SPACA6: variants seen among roughly 807,000 people sequenced by gnomAD.
SPACA6 encodes the protein sperm acrosome membrane-associated protein 6.
For synonymous variants in SPACA6, 6 were observed against 1.5 expected (o/e 4.05, Z -2.21); for missense variants, 8 against 2.8 (o/e 2.88, Z -1.34).
chr19:51,701,185 G>T (rs1384930950), intron 2 of SPACA6, among the ~76,000 whole-genome samples: 2 of 152,134 alleles, frequency 1.3e-5, no homozygotes, highest in Admixed American at 6.6e-5. Context: ...TCGCACCACT[G>T]CACTCCAGCC....
chr19:51,683,842 A>C, the SPACA6 span, among the ~76,000 whole-genome samples: 3 of 152,242 alleles, frequency 2.0e-5, no homozygotes, highest in African/African-American at 7.2e-5. Flanking sequence ...CATAGCTAGT[A>C]AAATGGCTGA....
At chr19:51,688,940 G>GGGAGAGAA (rs1406489665), upstream of SPACA6, among the ~76,000 whole-genome samples, 1 of 149,998 alleles carries the variant, frequency 6.7e-6, no homozygotes, top group African/African-American at 2.5e-5. Context: ...AAGGGAGGGA[G>GGGAGAGAA]GGAGAGAGGG....
At chr19:51,683,620 T>C in the SPACA6 span, among the ~76,000 whole-genome samples, 4 of 152,358 alleles carry the variant, frequency 2.6e-5, no homozygotes, top group South Asian at 6.2e-4. Context: ...ATTCTGTGCA[T>C]GTGTATGAAT....
chr19:51,706,474 G>T (rs2083516324), downstream of SPACA6, among the ~76,000 whole-genome samples: 1 of 152,044 alleles, frequency 6.6e-6, no homozygotes, highest in Admixed American at 6.6e-5. Flanking sequence ...CCTGGAACAT[G>T]CAAGTCTCAG....
chr19:51,701,737 C>T lies in SPACA6; in HGVS notation c.361+11C>T, dbSNP rs950944171. On this transcript the variant is annotated intron_variant, in intron 3 of 8. Coordinates refer to ENST00000637797, the MANE Select transcript of SPACA6 (RefSeq NM_001316972.2). Reference sequence around the variant, plus strand: ...CACAGCTTAAAGAAGGTAAAATACACTCCATCTCTCCTTCCCCAGACACAC... The same window carrying T: ...CACAGCTTAAAGAAGGTAAAATACATTCCATCTCTCCTTCCCCAGACACAC... 1.2e-4 allele frequency: 48 copies of T among 398,408 alleles called. 2 individuals are homozygous for T. The highest frequency in any genetic ancestry group is 1.6e-4 in the Non-Finnish European group (35 of 225,718). 24.7% of individuals were successfully genotyped at this position (398,408 alleles called of 1,614,324 possible).
intron 2 of SPACA6, among the ~76,000 whole-genome samples, chr19:51,697,580 T>C (rs749800007): frequency 5.9e-5 from 9 of 152,062 alleles, no homozygotes; most frequent in Non-Finnish European, 8.8e-5. Context: ...GCCCAGGATA[T>C]ATTTGGAGAT....
chr19:51,688,691 G>A (rs1018132925), upstream of SPACA6, among the ~76,000 whole-genome samples: 16 of 152,084 alleles, frequency 1.1e-4, no homozygotes, highest in Non-Finnish European at 1.2e-4. Context: ...GAGACACAGA[G>A]ACAGGAAGGG....
At chr19:51,683,771 G>T in the SPACA6 span, among the ~76,000 whole-genome samples, 35 of 152,264 alleles carry the variant, frequency 2.3e-4, no homozygotes, top group Middle Eastern at 0.01. Context: ...CTCAACCCAT[G>T]ATATAGGTAC....
downstream of SPACA6, chr19:51,713,139 C>T: frequency 2.6e-6 from 1 of 381,156 alleles, no homozygotes; most frequent in Non-Finnish European, 4.6e-6. The surrounding 1 kb of genome is among the most constrained non-coding windows in gnomAD (Gnocchi z 4.5). Context: ...TTTATTACAT[C>T]CTGATCACAC....
At chr19:51,688,067 G>A, upstream of SPACA6, 1 of 152,462 alleles carries the variant, frequency 6.6e-6, no homozygotes, top group Non-Finnish European at 1.5e-5. Flanking sequence ...AGCTATAACC[G>A]TGTCCCCGCC....
Position 51,693,619 on chromosome 19 carries a change from C to T in SPACA6, c.93C>T (p.Phe31=). 2.3e-6 allele frequency: 1 copy of T among 429,744 alleles called. No homozygotes were observed. The highest frequency in any genetic ancestry group is 4.2e-6 in the Non-Finnish European group (1 of 239,858). 26.6% of individuals were successfully genotyped at this position (429,744 alleles called of 1,614,324 possible). A position where few individuals can be genotyped will look rare whatever the true frequency, so the allele number is the denominator to read the frequency against. ...CCGCCTGGGCCTGTCTCCTCTGCTT[C>T]ACAACCTACTCTGAGCGCCTCCGCA... is the stretch of plus-strand genomic sequence containing the variant. ...RVPAWACLLC[F]TTYSERLRIC... The change falls in exon 1 of 9, where the codon TTC becomes TTT. Residue 31 remains phenylalanine (F), a synonymous_variant. Transcript: ENST00000637797.
upstream of SPACA6, chr19:51,689,692 GT>G (rs1244715300): frequency 4.0e-5 from 6 of 148,710 alleles, no homozygotes; most frequent in African/African-American, 1.5e-4. Flanking sequence ...GGAGTTGGGG[GT>G]GGGGAGGGTG....
chr19:51,700,752 T>C (rs2083462611), intron 2 of SPACA6, among the ~76,000 whole-genome samples: 1 of 152,144 alleles, frequency 6.6e-6, no homozygotes, highest in Non-Finnish European at 1.5e-5. Context: ...TATAAATATA[T>C]GTAATTGCAG....
At chr19:51,711,705 C>T (rs1332217201) in intron 2 of SPACA6, among the ~76,000 whole-genome samples, 1 of 151,838 alleles carries the variant, frequency 6.6e-6, no homozygotes, top group Admixed American at 6.6e-5. Context: ...TATTATTTGG[C>T]CATAAAAAGG....
At position 51,703,490 on chromosome 19, in the gene SPACA6, T is replaced by A. The variant is rs949120031; in HGVS notation, c.573+153T>A. 6.6e-6 allele frequency among the ~76,000 whole-genome samples: 1 copy of A among 151,920 alleles called. No homozygotes were observed. Among genetic ancestry groups the A allele is most frequent in the Admixed American group, 6.6e-5 (1 of 15,266 alleles). ...AGGGTCGCGGGATTTAGGGGAGAGCTCGAAGATCAGAATGCAGGACCAAGG... is the reference window on the plus strand; with the variant it reads ...AGGGTCGCGGGATTTAGGGGAGAGCACGAAGATCAGAATGCAGGACCAAGG... On this transcript the variant is annotated intron_variant, in intron 6 of 8. Coordinates refer to ENST00000637797, the MANE Select transcript of SPACA6 (RefSeq NM_001316972.2). The surrounding 1 kb of genome is among the most constrained non-coding windows in gnomAD (Gnocchi z 4.2).
chr19:51,709,531 CAAAAAA>C (rs56170768), downstream of SPACA6, among the ~76,000 whole-genome samples: 2 of 54,454 alleles, frequency 3.7e-5, no homozygotes, highest in South Asian at 1.6e-3. Flanking sequence ...AAAAAAAAGG[CAAAAAA>C]AAAAAAAAAA....
intron 3 of SPACA6, 137 bp downstream of exon 3, chr19:51,701,863 AG>A: frequency 2.6e-6 from 1 of 377,650 alleles, no homozygotes; most frequent in Non-Finnish European, 4.7e-6. Context: ...ACTTGAGATC[AG>A]GAGTTCAAAA....
chr19:51,705,902 G>T (rs1456268057), downstream of SPACA6, among the ~76,000 whole-genome samples: 2 of 152,016 alleles, frequency 1.3e-5, no homozygotes, highest in Non-Finnish European at 2.9e-5. Flanking sequence ...TCACCATGTG[G>T]CCAGGCTGTT....
Position 51,703,147 on chromosome 19 carries a change from A to T in SPACA6, c.463+49A>T. 1 of 399,550 alleles carries T rather than the reference A, an allele frequency of 2.5e-6. No homozygotes were observed. Among genetic ancestry groups the T allele is most frequent in the Non-Finnish European group, 4.4e-6 (1 of 226,500 alleles). 24.8% of individuals were successfully genotyped at this position (399,550 alleles called of 1,614,324 possible). A position where few individuals can be genotyped will look rare whatever the true frequency, so the allele number is the denominator to read the frequency against. ...GCAGGAGGCCAACCTGAGAAAAGGG[A>T]CCAGAGCACCGAGGGGCATAAGCTG... On this transcript the variant is annotated intron_variant, in intron 5 of 8. Transcript: ENST00000637797. This position sits in a 1 kb window ranked among gnomAD's most constrained non-coding sequence, Gnocchi z 4.2.
Sources: gnomAD v4.1 joint callset for allele counts (sites outside exome capture counted in the v4.1 genomes callset) on GRCh38, gnomAD v4.1.1 for gene constraint, Gnocchi (gnomAD v3.1) non-coding constraint, MANE v1.5 for transcripts, NCBI Gene and HGNC (gene_info 2026-07-23, HGNC 2026-07-21) for gene names.